The following TXNRD3 variants were observed in gnomAD, a reference collection of about 807,000 sequenced individuals.
TXNRD3 encodes the protein TXNRD3 neighbor gene protein.
Under a neutral mutation model 78.2 loss-of-function variants are expected in TXNRD3, and 68 were observed. The ratio of observed to expected loss-of-function variants is 0.87; its 90% confidence interval spans 0.72 to 1.06. The LOEUF (loss-of-function observed/expected upper bound fraction) is 1.06, where lower values mean the gene tolerates loss of function less well. Ranked by LOEUF, TXNRD3 falls within the 50% of genes least tolerant of loss-of-function variation. The pLI is 0.00. For synonymous variants in TXNRD3, 296 were observed against 300.1 expected (o/e 0.99, Z 0.14); for missense variants, 751 against 809.5 (o/e 0.93, Z 0.88).
At chr3:126,611,641 G>C (rs1481168455) in intron 13 of TXNRD3, among the ~76,000 whole-genome samples, 1 of 152,136 alleles carries the variant, frequency 6.6e-6, no homozygotes, top group Non-Finnish European at 1.5e-5. Flanking sequence ...CCAATGCCTT[G>C]AGTGTACCTC....
chr3:126,617,900 A>G (rs73197933), intron 12 of TXNRD3, among the ~76,000 whole-genome samples: 202 of 152,364 alleles, frequency 1.3e-3, no homozygotes, highest in Middle Eastern at 3.4e-3. Context: ...TCAACATACA[A>G]AAATCAGCAG....
chr3:126,619,513 C>G (rs1938396627), intron 12 of TXNRD3, among the ~76,000 whole-genome samples: 1 of 152,008 alleles, frequency 6.6e-6, no homozygotes, highest in Non-Finnish European at 1.5e-5. Context: ...AAAAGTTGAT[C>G]TTATAGAAGT....
chr3:126,629,352 C>T, intron 10 of TXNRD3, 27 bp downstream of exon 10: 1 of 1,437,724 alleles, frequency 7.0e-7, no homozygotes, highest in South Asian at 1.3e-5. Flanking sequence ...TGTTCAATAA[C>T]TTAGTAATGA....
chr3:126,614,005 G>A (rs1938255618), intron 13 of TXNRD3, among the ~76,000 whole-genome samples: 1 of 152,192 alleles, frequency 6.6e-6, no homozygotes, highest in Non-Finnish European at 1.5e-5. Context: ...GACAGGATGT[G>A]GTGGGAGAAG....
intron 6 of TXNRD3, 24 bp downstream of exon 6, chr3:126,642,008 T>C: frequency 6.6e-7 from 1 of 1,507,914 alleles, no homozygotes; most frequent in Non-Finnish European, 8.8e-7. Flanking sequence ...TCTCTCAATC[T>C]ATACTTTATG....
At chr3:126,609,354 G>C (rs1938138379) in intron 14 of TXNRD3, 1 of 197,304 alleles carries the variant, frequency 5.1e-6, no homozygotes, top group Non-Finnish European at 1.1e-5. Context: ...CAACAGCTCA[G>C]AACAGTCACA....
At position 126,622,577 on chromosome 3, in the gene TXNRD3, A is replaced by G. The variant is rs1396344841; in HGVS notation, c.1291-37T>C. 31 of 1,456,570 alleles carry G rather than the reference A, an allele frequency of 2.1e-5. No individual in the cohort carries two copies. The East Asian group carries it at 5.7e-4, about 27-fold the overall frequency. 90.2% of individuals were successfully genotyped at this position (1,456,570 alleles called of 1,614,324 possible). ...GAGAAATCAAAAACACAAATTATCCATATCGGGAATGAAAGAAGGAACATC... is the reference window on the plus strand; with the variant it reads ...GAGAAATCAAAAACACAAATTATCCGTATCGGGAATGAAAGAAGGAACATC... On this transcript the variant is annotated intron_variant, in intron 10 of 15. Transcript: ENST00000524230.
chr3:126,620,429 A>C (rs1315616726), intron 12 of TXNRD3, among the ~76,000 whole-genome samples: 1 of 152,154 alleles, frequency 6.6e-6, no homozygotes, highest in Non-Finnish European at 1.5e-5. Flanking sequence ...ACATCCTTGT[A>C]CTTAGGAGAT....
chr3:126,643,938 A>G (rs1933155999), intron 5 of TXNRD3, 43 bp downstream of exon 5: 1 of 1,481,158 alleles, frequency 6.8e-7, no homozygotes, highest in Non-Finnish European at 9.0e-7. Flanking sequence ...AGCAAACAAC[A>G]TATGTAAAGA....
intron 6 of TXNRD3, among the ~76,000 whole-genome samples, chr3:126,639,775 G>A (rs961471091): frequency 6.6e-6 from 1 of 151,822 alleles, no homozygotes; most frequent in South Asian, 2.1e-4. Context: ...TCTATTTTTT[G>A]TAGAGACAGA....
intron 12 of TXNRD3, among the ~76,000 whole-genome samples, chr3:126,618,757 A>G (rs1468144762): frequency 6.6e-6 from 1 of 151,924 alleles, no homozygotes; most frequent in Non-Finnish European, 1.5e-5. Flanking sequence ...AAAGGAAACA[A>G]TCAACAGAGT....
At position 126,617,098 on chromosome 3, in the gene TXNRD3, T is replaced by C. The variant is rs528408599; in HGVS notation, c.1525-1636A>G. On this transcript the variant is annotated intron_variant, in intron 12 of 15. Transcript: ENST00000524230. ...CCTTTGTTTCCTGTTTCATATCAAC[T>C]AAGAAAAATAAACAGGAAATGGCTC... Among the ~76,000 whole-genome samples, 7 of 152,292 alleles carry C rather than the reference T, an allele frequency of 4.6e-5. No individual in the cohort carries two copies. The East Asian group carries it at 1.2e-3, about 25-fold the overall frequency.
chr3:126,621,780 G>T lies in TXNRD3; in HGVS notation c.1486C>A (p.Leu496Met). ...GCCCCAAAAAGTCTCTGAGCTAGCAGCTTGCCTGACTGTATGGCGACAGGA... is the reference window on the plus strand; with the variant it reads ...GCCCCAAAAAGTCTCTGAGCTAGCATCTTGCCTGACTGTATGGCGACAGGA... The change falls in exon 12 of 16, where the codon CTG becomes ATG. Residue 496 changes from leucine (L) to methionine (M), a missense_variant. Physicochemically the swap from Leu to Met is conservative, Grantham distance 15. Transcript: ENST00000524230. 1 of 1,529,942 alleles carries T rather than the reference G, an allele frequency of 6.5e-7. No homozygotes were observed. Among genetic ancestry groups the T allele is most frequent in the South Asian group, 1.2e-5 (1 of 82,432 alleles). The allele number at this position is 1,529,942 out of a possible 1,614,324, so 94.8% of individuals were successfully genotyped here. A position where few individuals can be genotyped will look rare whatever the true frequency, so the allele number is the denominator to read the frequency against.
At chr3:126,643,032 A>G (rs1054684255) in intron 5 of TXNRD3, among the ~76,000 whole-genome samples, 11 of 152,204 alleles carry the variant, frequency 7.2e-5, no homozygotes, top group Non-Finnish European at 1.5e-4. Context: ...CCCCATGTGA[A>G]GGGGCAAGGA....
At chr3:126,637,524 C>T (rs1254816265) in intron 6 of TXNRD3, among the ~76,000 whole-genome samples, 1 of 152,008 alleles carries the variant, frequency 6.6e-6, no homozygotes, top group Non-Finnish European at 1.5e-5. Context: ...ATATCATTTT[C>T]CTGTTTAAAA....
chr3:126,650,364 C>A (rs1206633171), intron 1 of TXNRD3, among the ~76,000 whole-genome samples: 1 of 151,686 alleles, frequency 6.6e-6, no homozygotes, highest in South Asian at 2.1e-4. Context: ...CCTCCTTGGC[C>A]AGGCACGGTG....
At chr3:126,641,531 G>A (rs1449532305) in intron 6 of TXNRD3, among the ~76,000 whole-genome samples, 1 of 152,170 alleles carries the variant, frequency 6.6e-6, no homozygotes, top group Non-Finnish European at 1.5e-5. Flanking sequence ...TAATTTGAGT[G>A]CACTGAATGG....
chr3:126,634,142 G>T (rs1340848652), intron 6 of TXNRD3, 91 bp from the exon 7 acceptor site: 1 of 1,172,938 alleles, frequency 8.5e-7, no homozygotes, highest in Non-Finnish European at 1.1e-6. Context: ...TACTAACAGT[G>T]CTTTAAAAAT....
intron 13 of TXNRD3, among the ~76,000 whole-genome samples, chr3:126,612,213 T>C (rs1455208973): frequency 1.3e-5 from 2 of 152,006 alleles, no homozygotes; most frequent in African/African-American, 4.8e-5. Flanking sequence ...AATTTTTGTA[T>C]TTTCTGTAGA....
Sources: allele counts gnomAD v4.1 joint callset (sites outside exome capture counted in the v4.1 genomes callset), GRCh38; gene constraint gnomAD v4.1.1; transcripts MANE v1.5; gene names NCBI Gene and HGNC (gene_info 2026-07-23, HGNC 2026-07-21).